SORCS2: variants seen among roughly 807,000 people sequenced by gnomAD.
SORCS2 encodes sortilin related VPS10 domain containing receptor 2.
A neutral mutation model predicts 141.6 loss-of-function variants in SORCS2; 100 were observed. That is an observed-to-expected ratio of 0.71 (90% CI 0.60 to 0.83). The LOEUF (loss-of-function observed/expected upper bound fraction) is 0.83, where lower values mean the gene tolerates loss of function less well. Ranked by LOEUF, SORCS2 falls within the 40% of genes least tolerant of loss-of-function variation. The probability of loss-of-function intolerance (pLI) is 0.00; values close to 1 mark genes in which losing one functional copy is unlikely to be tolerated. For missense variants in SORCS2, 1,646 were observed against 1,560.2 expected (o/e 1.05, Z -0.93); for synonymous variants, 789 against 676.9 (o/e 1.17, Z -2.57).
rs542502665 is a variant in SORCS2 at position 7,401,187 on chromosome 4, A to G, written c.548+4832A>G. Among the ~76,000 whole-genome samples the G allele has an allele frequency of 4.6e-5, 7 of 152,110 alleles. No individual in the cohort carries two copies. In the East Asian group the frequency reaches 9.7e-4, roughly 21 times the overall value. On this transcript the variant is annotated intron_variant, in intron 2 of 26. Coordinates refer to ENST00000507866, the MANE Select transcript of SORCS2 (RefSeq NM_020777.3). ...GATGAGTGGATTGATGGATGGATGG[A>G]TGAATAGATGGATATATGGATGGAT... is the stretch of plus-strand genomic sequence containing the variant.
intron 2 of SORCS2, among the ~76,000 whole-genome samples, chr4:7,509,094 A>C (rs1310437695): frequency 6.6e-6 from 1 of 152,224 alleles, no homozygotes; most frequent in African/African-American, 2.4e-5. Flanking sequence ...ACAGGAGATC[A>C]GTACCTGCTT....
chr4:7,455,022 T>TCC (rs1728788786), intron 2 of SORCS2, among the ~76,000 whole-genome samples: 1 of 38,932 alleles, frequency 2.6e-5, no homozygotes, highest in Non-Finnish European at 6.7e-5. Flanking sequence ...GGTCAGGCAG[T>TCC]GTGTTGGGGT....
chr4:7,657,180 G>A, intron 5 of SORCS2, among the ~76,000 whole-genome samples: 1 of 152,254 alleles, frequency 6.6e-6, no homozygotes, highest in East Asian at 1.9e-4. Flanking sequence ...ACTGAGAAAT[G>A]GCTGTGGGAA....
At chr4:7,510,084 A>C (rs753781196) in intron 2 of SORCS2, among the ~76,000 whole-genome samples, 3 of 152,234 alleles carry the variant, frequency 2.0e-5, no homozygotes, top group Non-Finnish European at 4.4e-5. Context: ...GCCTCGTTAG[A>C]ATGGACTCGA....
intron 1 of SORCS2, among the ~76,000 whole-genome samples, chr4:7,362,681 T>G (rs2109026230): frequency 6.6e-6 from 1 of 151,806 alleles, no homozygotes; most frequent in East Asian, 1.9e-4. Flanking sequence ...CTACCATGAC[T>G]GCCATCACCA....
At chr4:7,476,643 C>A (rs34862495) in intron 2 of SORCS2, among the ~76,000 whole-genome samples, 20,771 of 152,080 alleles carry the variant, frequency 0.14, 1,910 homozygotes, top group South Asian at 0.25. Flanking sequence ...CCAAGAGGAA[C>A]AGCACTGGGC....
chr4:7,455,432 G>C (rs1577593467), intron 2 of SORCS2, among the ~76,000 whole-genome samples: 2 of 121,758 alleles, frequency 1.6e-5, no homozygotes, highest in African/African-American at 3.2e-5. Flanking sequence ...GGTCAGTGCT[G>C]TGTGTTGGGG....
Position 7,416,700 on chromosome 4 carries a change from T to G in SORCS2, c.548+20345T>G, listed in dbSNP as rs183013725. On this transcript the variant is annotated intron_variant, in intron 2 of 26. Coordinates refer to ENST00000507866, the MANE Select transcript of SORCS2 (RefSeq NM_020777.3). Reference sequence around the variant, plus strand: ...CACACTCAGACACGCATGCATGCACTCACTCACACTTGTGCACACACTCAG... The same window carrying G: ...CACACTCAGACACGCATGCATGCACGCACTCACACTTGTGCACACACTCAG... Among the ~76,000 whole-genome samples the G allele has an allele frequency of 5.9e-3, 842 of 143,210 alleles. 4 individuals are homozygous for G. Among genetic ancestry groups the G allele is most frequent in the Middle Eastern group, 0.015 (4 of 264 alleles). 94.0% of individuals were successfully genotyped at this position (143,210 alleles called of 152,430 possible). A position where few individuals can be genotyped will look rare whatever the true frequency, so the allele number is the denominator to read the frequency against.
chr4:7,734,247 C>A, intron 24 of SORCS2, 25 bp from the exon 25 acceptor site: 2 of 1,558,778 alleles, frequency 1.3e-6, no homozygotes, highest in Non-Finnish European at 8.7e-7. Context: ...CCGAGGTCCT[C>A]CACTGACAAC....
chr4:7,304,115 G>T (rs553699714), intron 1 of SORCS2, among the ~76,000 whole-genome samples: 1 of 152,250 alleles, frequency 6.6e-6, no homozygotes, highest in African/African-American at 2.4e-5. Flanking sequence ...TATGTGCCAG[G>T]CATGTGTGGT....
At chr4:7,487,970 G>A (rs12330969) in intron 2 of SORCS2, among the ~76,000 whole-genome samples, 13,843 of 152,196 alleles carry the variant, frequency 0.091, 838 homozygotes, top group African/African-American at 0.17. Flanking sequence ...AGAGCCGCTC[G>A]CTCATCAGCA....
chr4:7,231,848 G>T (rs562089933), intron 1 of SORCS2, among the ~76,000 whole-genome samples: 1 of 152,204 alleles, frequency 6.6e-6, no homozygotes, highest in South Asian at 2.1e-4. Flanking sequence ...ACGAGGACAA[G>T]GATATAAGTG....
rs1447128650 is a variant in SORCS2, at chr4:7,724,148, G to GTGATAGTGGTGGTGATGGTGGTGA, written c.2611+267_2611+268insATAGTGGTGGTGATGGTGGTGATG. Among the ~76,000 whole-genome samples the GTGATAGTGGTGGTGATGGTGGTGA allele has an allele frequency of 4.1e-3, 334 of 81,118 alleles. 1 individual carries two copies. Among genetic ancestry groups the GTGATAGTGGTGGTGATGGTGGTGA allele is most frequent in the African/African-American group, 0.014 (319 of 23,212 alleles). 53.2% of individuals were successfully genotyped at this position (81,118 alleles called of 152,430 possible). A position where few individuals can be genotyped will look rare whatever the true frequency, so the allele number is the denominator to read the frequency against. On this transcript the variant is annotated intron_variant, in intron 19 of 26. Coordinates refer to ENST00000507866, the MANE Select transcript of SORCS2 (RefSeq NM_020777.3). ...GGTGGTGGTGGTGGTGGTGATGGTC[G>GTGATAGTGGTGGTGATGGTGGTGA]TGGTGGTGGTGGTGATGGTGGTGAT...
chr4:7,422,830 G>C (rs1195330674), intron 2 of SORCS2, among the ~76,000 whole-genome samples: 1 of 152,114 alleles, frequency 6.6e-6, no homozygotes, highest in African/African-American at 2.4e-5. Context: ...GAGCACAGAG[G>C]CCTCGTCACT....
At chr4:7,295,529 C>T (rs1018689039) in intron 1 of SORCS2, among the ~76,000 whole-genome samples, 4 of 152,112 alleles carry the variant, frequency 2.6e-5, no homozygotes, top group Admixed American at 6.5e-5. Flanking sequence ...TGGGAGCAGC[C>T]GAGAGGGGCC....
At chr4:7,428,765 G>A (rs947485935) in intron 2 of SORCS2, among the ~76,000 whole-genome samples, 2 of 152,176 alleles carry the variant, frequency 1.3e-5, no homozygotes, top group Admixed American at 1.3e-4. Context: ...GCTGGTGGTG[G>A]GTTGGTAAGG....
rs988439156 is a variant in SORCS2, at chr4:7,192,608, G to A, written c.-39G>A. ...TCCCGGCCGCGGTCCCCTCGTCCGC[G>A]CCGCCCCGCCGCCGGCTCCGCTGCC... On this transcript the variant is annotated 5_prime_UTR_variant, in exon 1 of 27. Transcript: ENST00000507866. The surrounding 1 kb of genome is among the most constrained non-coding windows in gnomAD (Gnocchi z 4.0). 4 of 987,002 alleles carry A rather than the reference G, an allele frequency of 4.1e-6. No homozygotes were observed. Among genetic ancestry groups the A allele is most frequent in the Non-Finnish European group, 4.8e-6 (4 of 831,772 alleles). The allele number at this position is 987,002 out of a possible 1,614,324, so 61.1% of individuals were successfully genotyped here. A position where few individuals can be genotyped will look rare whatever the true frequency, so the allele number is the denominator to read the frequency against.
chr4:7,281,637 G>A (rs1054553936), intron 1 of SORCS2, among the ~76,000 whole-genome samples: 8 of 152,150 alleles, frequency 5.3e-5, no homozygotes, highest in East Asian at 1.9e-4. Flanking sequence ...GTGAAACTGC[G>A]AGCCTCCATT....
intron 1 of SORCS2, among the ~76,000 whole-genome samples, chr4:7,290,425 T>G (rs1366878420): frequency 6.6e-6 from 1 of 152,192 alleles, no homozygotes; most frequent in Non-Finnish European, 1.5e-5. Context: ...CCCAGGGTCT[T>G]CTGGTGTGAA....
Sources: allele counts gnomAD v4.1 joint callset (sites outside exome capture counted in the v4.1 genomes callset), GRCh38; gene constraint gnomAD v4.1.1; non-coding constraint Gnocchi (gnomAD v3.1); transcripts MANE v1.5; gene names NCBI Gene and HGNC (gene_info 2026-07-23, HGNC 2026-07-21).